Variants in SAMD12 observed in about 807,000 individuals in gnomAD.
SAMD12 encodes sterile alpha motif domain-containing protein 12.
SAMD12 carries 9 observed loss-of-function variants against 15.0 expected under a neutral mutation model. That is an observed-to-expected ratio of 0.60 (90% CI 0.36 to 1.05). The LOEUF (loss-of-function observed/expected upper bound fraction) is 1.05. Among genes scored for constraint, SAMD12 ranks in the 50% least tolerant of loss-of-function variants. SAMD12 has a pLI of 0.01. For missense variants in SAMD12, 230 were observed against 234.2 expected, an observed-to-expected ratio of 0.98 and a Z score of 0.12; for synonymous variants, 86 against 90.1, an observed-to-expected ratio of 0.96 and a Z score of 0.25.
intron 4 of SAMD12, among the ~76,000 whole-genome samples, chr8:118,276,669 A>T (rs116594191): frequency 4.6e-5 from 7 of 151,952 alleles, no homozygotes; most frequent in Admixed American, 2.0e-4. Flanking sequence ...TCATTTTTCT[A>T]TATTTCTTCT....
At chr8:118,571,229 T>G (rs1204933021) in intron 2 of SAMD12, among the ~76,000 whole-genome samples, 1 of 152,146 alleles carries the variant, frequency 6.6e-6, no homozygotes, top group Non-Finnish European at 1.5e-5. Flanking sequence ...AGGCAGAGGC[T>G]GGAACAGGTT....
chr8:118,550,430 G>T (rs1193194081), intron 2 of SAMD12, among the ~76,000 whole-genome samples: 1 of 152,190 alleles, frequency 6.6e-6, no homozygotes, highest in Non-Finnish European at 1.5e-5. Context: ...GCCAAATTAA[G>T]CTTCATAAGT....
chr8:118,532,464 G>T (rs543885116), intron 2 of SAMD12, among the ~76,000 whole-genome samples: 122 of 152,276 alleles, frequency 8.0e-4, no homozygotes, highest in South Asian at 1.5e-3. Context: ...AAATGAGTTA[G>T]GGAGGATTCC....
At chr8:118,427,204 C>T (rs922065185) in intron 3 of SAMD12, among the ~76,000 whole-genome samples, 5 of 152,140 alleles carry the variant, frequency 3.3e-5, no homozygotes, top group Admixed American at 3.3e-4. Flanking sequence ...ATCCATCCAT[C>T]CATCTATCCA....
Position 118,449,447 on chromosome 8 carries a change from A to G in SAMD12, c.193-9486T>C, listed in dbSNP as rs188317447. On this transcript the variant is annotated intron_variant, in intron 2 of 3. Transcript: ENST00000314727. The stretch of plus-strand genomic sequence containing the variant: ...GGTATAGTCAGCTAAGATTGAAAGA[A>G]AAACAGTTGTTAAGAAAGGAAGAGG... Among the ~76,000 whole-genome samples the G allele has an allele frequency of 3.2e-3, 494 of 152,230 alleles. 1 individual carries two copies. Among genetic ancestry groups the G allele is most frequent in the African/African-American group, 0.011 (471 of 41,534 alleles).
At chr8:118,557,893 T>C (rs770151584) in intron 2 of SAMD12, among the ~76,000 whole-genome samples, 8 of 152,176 alleles carry the variant, frequency 5.3e-5, no homozygotes, top group Non-Finnish European at 1.5e-5. Flanking sequence ...TAATGTTTCA[T>C]ATATTATTCT....
At chr8:118,210,776 C>T (rs1274307684) in intron 4 of SAMD12, among the ~76,000 whole-genome samples, 1 of 152,132 alleles carries the variant, frequency 6.6e-6, no homozygotes. Context: ...CAAATTCTAC[C>T]CTTTCTGTAA....
In SAMD12 at chr8:118,604,785, G is replaced by T. The variant is rs138874581; in HGVS notation, c.13+17019C>A. Among the ~76,000 whole-genome samples, 1,511 of 152,184 alleles carry T rather than the reference G, an allele frequency of 9.9e-3. 30 individuals carry two copies. Among genetic ancestry groups the T allele is most frequent in the African/African-American group, 0.034 (1,417 of 41,546 alleles). ...AAATAAAAAAAAATTAGGGGGGCGT[G>T]GTGGCGGGAGCCTGTAGTCCCAGCT... On this transcript the variant is annotated intron_variant, in intron 1 of 3. Transcript: ENST00000314727.
intron 4 of SAMD12, among the ~76,000 whole-genome samples, chr8:118,252,524 G>T (rs1294498905): frequency 6.6e-6 from 1 of 152,170 alleles, no homozygotes; most frequent in African/African-American, 2.4e-5. Context: ...TCCGCATCCA[G>T]TTCAGCACTT....
intron 2 of SAMD12, among the ~76,000 whole-genome samples, chr8:118,552,295 C>T (rs535958259): frequency 0.044 from 6,759 of 152,062 alleles, 477 homozygotes; most frequent in African/African-American, 0.15. Flanking sequence ...ACCGGCAAAC[C>T]GAATCCAGCA....
intron 4 of SAMD12, among the ~76,000 whole-genome samples, chr8:118,343,194 TCTC>T (rs1334697775): frequency 6.6e-6 from 1 of 151,842 alleles, no homozygotes; most frequent in Non-Finnish European, 1.5e-5. Flanking sequence ...TTTCCCCAGT[TCTC>T]CTCTACTCAG....
At chr8:118,142,480 T>C in the SAMD12 span, among the ~76,000 whole-genome samples, 1 of 152,230 alleles carries the variant, frequency 6.6e-6, no homozygotes, top group Non-Finnish European at 1.5e-5. Flanking sequence ...ACCAAACATT[T>C]AACCATTCAA....
intron 4 of SAMD12, among the ~76,000 whole-genome samples, chr8:118,278,255 G>T (rs1285980040): frequency 2.0e-5 from 3 of 152,202 alleles, no homozygotes; most frequent in Non-Finnish European, 4.4e-5. Context: ...ATTTATGCAA[G>T]AGCCCATGTA....
chr8:118,308,897 A>G (rs953051398), intron 4 of SAMD12, among the ~76,000 whole-genome samples: 2 of 152,166 alleles, frequency 1.3e-5, no homozygotes, highest in African/African-American at 4.8e-5. Flanking sequence ...TCTGGAAATA[A>G]TCAATATAAT....
At chr8:118,316,826 T>C (rs1222317665) in intron 4 of SAMD12, among the ~76,000 whole-genome samples, 1 of 150,438 alleles carries the variant, frequency 6.6e-6, no homozygotes, top group Middle Eastern at 3.4e-3. Context: ...GTTTTTTTTT[T>C]TTTTTTTTTG....
intron 4 of SAMD12, among the ~76,000 whole-genome samples, chr8:118,293,030 A>C (rs1814499834): frequency 1.3e-5 from 2 of 152,050 alleles, no homozygotes; most frequent in African/African-American, 2.4e-5. Context: ...GTGCACATGT[A>C]CCCTAAAACT....
At chr8:118,474,812 C>A (rs1823907001) in intron 2 of SAMD12, among the ~76,000 whole-genome samples, 1 of 152,130 alleles carries the variant, frequency 6.6e-6, no homozygotes, top group Non-Finnish European at 1.5e-5. Flanking sequence ...AAAATTTGAT[C>A]CCCAATGTTC....
intron 4 of SAMD12, among the ~76,000 whole-genome samples, chr8:118,271,762 A>G (rs535394209): frequency 3.3e-5 from 5 of 152,214 alleles, no homozygotes; most frequent in Admixed American, 2.6e-4. Context: ...ATTAAACCTT[A>G]AAGTTCCAAA....
chr8:118,292,151 G>A (rs966279113), intron 4 of SAMD12, among the ~76,000 whole-genome samples: 4 of 151,332 alleles, frequency 2.6e-5, no homozygotes, highest in African/African-American at 9.7e-5. Flanking sequence ...AGGGCAGGAG[G>A]GGGTAGGGGG....
Sources: allele counts gnomAD v4.1 joint callset (sites outside exome capture counted in the v4.1 genomes callset), GRCh38; gene constraint gnomAD v4.1.1; transcripts MANE v1.5; gene names NCBI Gene and HGNC (gene_info 2026-07-23, HGNC 2026-07-21).